The following LRCH1 variants were observed in gnomAD, a reference collection of about 807,000 sequenced individuals.
LRCH1 encodes leucine-rich repeat and calponin homology domain-containing protein 1.
A neutral mutation model predicts 94.9 loss-of-function variants in LRCH1; 23 were observed. That is an observed-to-expected ratio of 0.24 (90% confidence interval 0.17 to 0.34). LRCH1 has a LOEUF of 0.34. Among genes scored for constraint, LRCH1 ranks in the 10% least tolerant of loss-of-function variants. LRCH1 has a pLI of 1.00. For synonymous variants in LRCH1, 364 were observed against 354.9 expected (o/e 1.03, Z -0.29); for missense variants, 790 against 945.9 (o/e 0.84, Z 2.16).
At chr13:46,599,087 G>A (rs1266194718) in intron 1 of LRCH1, among the ~76,000 whole-genome samples, 2 of 152,140 alleles carry the variant, frequency 1.3e-5, no homozygotes, top group Non-Finnish European at 2.9e-5. Context: ...GAAGCATAGA[G>A]TATTTGTCTT....
rs914506622 is a variant in LRCH1 at position 46,658,714 on chromosome 13, C to G, written c.452+8369C>G. On this transcript the variant is annotated intron_variant, in intron 2 of 19. Transcript: ENST00000389797. The stretch of plus-strand genomic sequence containing the variant: ...TAGGCTGGTCTCAAACTCCTGGACA[C>G]AAGTGATCCACCTACCTCAGACTCC... Among the ~76,000 whole-genome samples the G allele has an allele frequency of 4.6e-5, 7 of 152,292 alleles. No individual in the cohort carries two copies. In the South Asian group the frequency reaches 1.5e-3, roughly 32 times the overall value.
chr13:46,619,745 G>A (rs1169692333), intron 1 of LRCH1, among the ~76,000 whole-genome samples: 1 of 152,156 alleles, frequency 6.6e-6, no homozygotes, highest in Non-Finnish European at 1.5e-5. Flanking sequence ...TGTTTTTGCT[G>A]TTGTGGTGGT....
At chr13:46,574,355 A>G (rs1178861420) in intron 1 of LRCH1, among the ~76,000 whole-genome samples, 1 of 152,178 alleles carries the variant, frequency 6.6e-6, no homozygotes, top group African/African-American at 2.4e-5. Flanking sequence ...AAAATTAAAA[A>G]AAATTAACAT....
chr13:46,729,564 A>G (rs1036906857), intron 18 of LRCH1, among the ~76,000 whole-genome samples: 1 of 146,562 alleles, frequency 6.8e-6, no homozygotes, highest in Admixed American at 6.7e-5. Context: ...AAAAAAAAAA[A>G]AAAAGAAAAA....
rs34554559 is a variant in LRCH1 at position 46,694,940 on chromosome 13, A to G, written c.1168A>G (p.Ser390Gly). 2 of 1,614,176 alleles carry G rather than the reference A, an allele frequency of 1.2e-6. No individual in the cohort carries two copies. Among genetic ancestry groups the G allele is most frequent in the Admixed American group, 3.3e-5 (2 of 60,028 alleles). Reference sequence around the variant, plus strand: ...ACCGGAGCCTTCCCTTTTGGGTGACAGCACCAACTCAGGAGAAGAAAGAGA... The same window carrying G: ...ACCGGAGCCTTCCCTTTTGGGTGACGGCACCAACTCAGGAGAAGAAAGAGA... The part of the protein sequence containing the change: ...FQPEPSLLGD[S>G]TNSGEERDQF... Residue 390 changes from serine (S) to glycine (G), a missense_variant, in exon 9 of 20, where the codon AGC (serine) becomes GGC (glycine). By Grantham distance (56) the Ser-to-Gly change is moderately conservative. Coordinates refer to ENST00000389797, the MANE Select transcript of LRCH1 (RefSeq NM_001164211.2).
chr13:46,669,004 G>A, intron 2 of LRCH1, 26 bp from the exon 3 acceptor site: 1 of 1,613,300 alleles, frequency 6.2e-7, no homozygotes, highest in South Asian at 1.1e-5. Context: ...CTGTTTACAT[G>A]TGTTCTTGTT....
At chr13:46,609,148 GCA>G (rs2050719460) in intron 1 of LRCH1, among the ~76,000 whole-genome samples, 2 of 152,208 alleles carry the variant, frequency 1.3e-5, no homozygotes, top group African/African-American at 4.8e-5. Context: ...AGCATTTTCT[GCA>G]CAGAGTGGTC....
Position 46,742,099 on chromosome 13 carries a change from T to G in LRCH1, c.*251T>G. The G allele has an allele frequency of 1.5e-6, 2 of 1,329,828 alleles. No homozygotes were observed. Among genetic ancestry groups the G allele is most frequent in the Non-Finnish European group, 9.6e-7 (1 of 1,036,728 alleles). The allele number at this position is 1,329,828 out of a possible 1,614,324, so 82.4% of individuals were successfully genotyped here. Reference sequence around the variant, plus strand: ...TGCAAAGTGTATGCACACCGCATGCTTCCTCATCCACATAGTGCCAGCAGC... The same window carrying G: ...TGCAAAGTGTATGCACACCGCATGCGTCCTCATCCACATAGTGCCAGCAGC... On this transcript the variant is annotated 3_prime_UTR_variant, in exon 20 of 20. Transcript: ENST00000389797.
intron 16 of LRCH1, among the ~76,000 whole-genome samples, chr13:46,719,008 A>C (rs2138211683): frequency 6.6e-6 from 1 of 152,414 alleles, no homozygotes; most frequent in South Asian, 2.1e-4. Context: ...TGTTCTCACA[A>C]CAAGTACATA....
At position 46,655,740 on chromosome 13, in the gene LRCH1, G is replaced by A. The variant is rs148182342; in HGVS notation, c.452+5395G>A. On this transcript the variant is annotated intron_variant, in intron 2 of 19. Coordinates refer to ENST00000389797, the MANE Select transcript of LRCH1 (RefSeq NM_001164211.2). ...ACTAGCAAAACTCTTGGCAATAGTAGGAGTGTTGTGAATCTAAGAATAGGG... is the reference window on the plus strand; with the variant it reads ...ACTAGCAAAACTCTTGGCAATAGTAAGAGTGTTGTGAATCTAAGAATAGGG... Among the ~76,000 whole-genome samples, 215 of 152,310 alleles carry A rather than the reference G, an allele frequency of 1.4e-3. 1 individual carries two copies. Among genetic ancestry groups the A allele is most frequent in the Non-Finnish European group, 2.3e-3 (158 of 68,032 alleles).
chr13:46,639,962 T>C (rs9316221), intron 1 of LRCH1, among the ~76,000 whole-genome samples: 4,463 of 152,334 alleles, frequency 0.029, 203 homozygotes, highest in African/African-American at 0.094. Context: ...TTTGTTGAAC[T>C]CCAGACACTG....
chr13:46,656,277 TCTCTC>T (rs2051368540), intron 2 of LRCH1, among the ~76,000 whole-genome samples: 1 of 152,238 alleles, frequency 6.6e-6, no homozygotes. Flanking sequence ...AGAAATGTCT[TCTCTC>T]CTTGCACTGA....
At chr13:46,577,479 C>T (rs1417185600) in intron 1 of LRCH1, among the ~76,000 whole-genome samples, 1 of 152,176 alleles carries the variant, frequency 6.6e-6, no homozygotes, top group Non-Finnish European at 1.5e-5. Flanking sequence ...TTTGCAAAAT[C>T]CCTTTGCCAT....
chr13:46,718,297 T>G (rs1872424476), intron 16 of LRCH1, among the ~76,000 whole-genome samples: 1 of 152,196 alleles, frequency 6.6e-6, no homozygotes, highest in African/African-American at 2.4e-5. Context: ...TTGTACCAGT[T>G]TACAGATATT....
At chr13:46,741,532 C>CCTG in intron 19 of LRCH1, 110 bp from the exon 20 acceptor site, 1 of 1,287,352 alleles carries the variant, frequency 7.8e-7, no homozygotes, top group Non-Finnish European at 1.1e-6. Flanking sequence ...AGGGGTTACT[C>CCTG]CTGCCATTTG....
At chr13:46,565,238 G>T (rs757402789) in intron 1 of LRCH1, among the ~76,000 whole-genome samples, 1 of 152,162 alleles carries the variant, frequency 6.6e-6, no homozygotes, top group Non-Finnish European at 1.5e-5. Flanking sequence ...TAAATTCCTA[G>T]AAATGCTGTG....
At chr13:46,717,313 A>G (rs757717748) in intron 16 of LRCH1, 2 of 152,218 alleles carry the variant, frequency 1.3e-5, no homozygotes, top group Admixed American at 6.5e-5. Flanking sequence ...TCTTTCTAAA[A>G]ATAAAATAAC....
intron 13 of LRCH1, among the ~76,000 whole-genome samples, chr13:46,709,414 TG>T (rs1365792877): frequency 6.6e-6 from 1 of 152,224 alleles, no homozygotes; most frequent in East Asian, 1.9e-4. Flanking sequence ...CTCAGTGCTG[TG>T]AGGGCCTCCC....
chr13:46,707,615 GA>G (rs1316619988), intron 13 of LRCH1, among the ~76,000 whole-genome samples: 5 of 152,142 alleles, frequency 3.3e-5, no homozygotes, highest in Middle Eastern at 3.2e-3. Flanking sequence ...GCACAAGAAA[GA>G]CACAAAGCTT....
Sources: gnomAD v4.1 joint callset for allele counts (sites outside exome capture counted in the v4.1 genomes callset) on GRCh38, gnomAD v4.1.1 for gene constraint, MANE v1.5 for transcripts, NCBI Gene and HGNC (gene_info 2026-07-23, HGNC 2026-07-21) for gene names.